Variants in WWC1 observed in about 807,000 individuals in gnomAD.
WWC1 encodes protein KIBRA.
A neutral mutation model predicts 138.4 loss-of-function variants in WWC1; 55 were observed. That is an observed-to-expected ratio of 0.40 (90% CI 0.32 to 0.50). The LOEUF (loss-of-function observed/expected upper bound fraction) is 0.50. Among genes scored for constraint, WWC1 ranks in the 20% least tolerant of loss-of-function variants. WWC1 has a pLI of 0.72. For synonymous variants in WWC1, 524 were observed against 564.9 expected (o/e 0.93, Z 1.03); for missense variants, 1,226 against 1,420.4 (o/e 0.86, Z 2.20).
At chr5:168,414,875 CT>C in intron 9 of WWC1, 1 of 157,988 alleles carries the variant, frequency 6.3e-6, no homozygotes, top group Non-Finnish European at 9.3e-6. Flanking sequence ...AGCCACATAA[CT>C]CTATATAACT....
In WWC1 at chr5:168,467,904, A is replaced by G. The variant is rs370235860; in HGVS notation, c.3215A>G (p.Lys1072Arg). ...QTDKMMRAAA[K>R]DVHRLRGQSC... ...GACAAGATGATGAGGGCAGCTGCCA[A>G]GGATGTGCACAGGCTCCGAGGCCAG... The change falls in exon 22 of 23, where the codon AAG (lysine) becomes AGG (arginine). Residue 1072 changes from lysine to arginine, a missense_variant. Physicochemically the swap from Lys to Arg is conservative, Grantham distance 26 (BLOSUM62 2). Around this residue, in one of 3 missense-constraint regions of WWC1, gnomAD observed 206 missense variants for 247.4 expected, o/e 0.83. Transcript: ENST00000265293. 2.1e-5 allele frequency: 34 copies of G among 1,614,108 alleles called. No individual in the cohort carries two copies. The highest frequency in any genetic ancestry group is 5.0e-5 in the Admixed American group (3 of 60,010).
intron 1 of WWC1, among the ~76,000 whole-genome samples, chr5:168,320,183 C>T (rs773947339): frequency 1.2e-4 from 18 of 151,990 alleles, no homozygotes; most frequent in Non-Finnish European, 1.2e-4. Flanking sequence ...TACAGGCGCC[C>T]GCCACCATGC....
intron 1 of WWC1, among the ~76,000 whole-genome samples, chr5:168,297,843 G>A (rs765185922): frequency 2.6e-5 from 4 of 151,800 alleles, no homozygotes; most frequent in East Asian, 1.9e-4. Flanking sequence ...CTCCATAATC[G>A]TTTTTGATTG....
At chr5:168,442,494 G>A (rs530685389) in intron 16 of WWC1, among the ~76,000 whole-genome samples, 10 of 147,910 alleles carry the variant, frequency 6.8e-5, no homozygotes, top group African/African-American at 2.0e-4. Flanking sequence ...ATGCTTTGAA[G>A]AAATATATGT....
In WWC1 at chr5:168,423,831, T is replaced by G; in HGVS notation, c.1573T>G (p.Ser525Ala). 1 of 1,614,148 alleles carries G rather than the reference T, an allele frequency of 6.2e-7. No individual in the cohort carries two copies. Residue 525 changes from serine (S) to alanine (A), a missense_variant, in exon 11 of 23, where the codon TCT becomes GCT. Ser to Ala is a moderately conservative substitution (Grantham distance 99, BLOSUM62 1). Coordinates refer to ENST00000265293, the MANE Select transcript of WWC1 (RefSeq NM_015238.3). ...CCGCCTGCAGGCTCTGCGTTCCCTG[T>G]CTGGCACCCCAAAGTCCATGACCTC... ...GGRLQALRSL[S>A]GTPKSMTSLS...
At chr5:168,354,186 G>A (rs922203919) in intron 1 of WWC1, among the ~76,000 whole-genome samples, 1 of 151,974 alleles carries the variant, frequency 6.6e-6, no homozygotes, top group Non-Finnish European at 1.5e-5. Flanking sequence ...GAGTACTTGG[G>A]ATTATAGGTG....
At chr5:168,417,243 C>T (rs1433122809) in intron 9 of WWC1, among the ~76,000 whole-genome samples, 1 of 152,246 alleles carries the variant, frequency 6.6e-6, no homozygotes, top group African/African-American at 2.4e-5. Context: ...TAGCAAGAAC[C>T]TATCTACAAT....
chr5:168,408,120 G>C (rs576323228), intron 6 of WWC1, among the ~76,000 whole-genome samples: 4 of 150,094 alleles, frequency 2.7e-5, no homozygotes, highest in African/African-American at 7.4e-5. Context: ...CTCCCAGCTC[G>C]GCCTCTCAAA....
intron 15 of WWC1, among the ~76,000 whole-genome samples, chr5:168,436,646 G>A (rs944277597): frequency 1.3e-5 from 2 of 152,070 alleles, no homozygotes; most frequent in Non-Finnish European, 2.9e-5. Flanking sequence ...TGTCTCAGCC[G>A]ATGGCAATCT....
chr5:168,307,812 A>G (rs1004227498), intron 1 of WWC1, among the ~76,000 whole-genome samples: 7 of 152,000 alleles, frequency 4.6e-5, no homozygotes, highest in South Asian at 2.1e-4. Context: ...GGTTTTCACC[A>G]TGTTAGCCAG....
rs543075122 is a variant in WWC1 at position 168,314,365 on chromosome 5, C to T, written c.119+22094C>T. Among the ~76,000 whole-genome samples, 5 of 139,672 alleles carry T rather than the reference C, an allele frequency of 3.6e-5. 1 individual carries two copies. Among genetic ancestry groups the T allele is most frequent in the East Asian group, 4.8e-4 (2 of 4,192 alleles). 91.6% of individuals were successfully genotyped at this position (139,672 alleles called of 152,430 possible). ...GGTGGATCACCTGAGGTTGGGAGTT[C>T]GAGACCAGCCTGACCAACATGGAGA... is the stretch of plus-strand genomic sequence containing the variant. On this transcript the variant is annotated intron_variant, in intron 1 of 22. Transcript: ENST00000265293.
At chr5:168,443,317 AC>A (rs560576735) in intron 16 of WWC1, among the ~76,000 whole-genome samples, 127 of 151,756 alleles carry the variant, frequency 8.4e-4, no homozygotes, top group Non-Finnish European at 1.6e-3. Context: ...TCCCATCCCC[AC>A]CTTCTTTTTC....
chr5:168,332,058 A>G (rs906843653), intron 1 of WWC1, among the ~76,000 whole-genome samples: 9 of 152,186 alleles, frequency 5.9e-5, no homozygotes, highest in African/African-American at 2.2e-4. Flanking sequence ...AGGCAGGAGA[A>G]TCACTTGAAC....
intron 1 of WWC1, among the ~76,000 whole-genome samples, chr5:168,308,649 G>A (rs564303536): frequency 6.6e-6 from 1 of 152,254 alleles, no homozygotes; most frequent in African/African-American, 2.4e-5. Context: ...ACCCCAGTCA[G>A]AATCTCTGGA....
intron 3 of WWC1, among the ~76,000 whole-genome samples, chr5:168,397,238 G>A (rs1224692262): frequency 6.6e-6 from 1 of 151,878 alleles, no homozygotes; most frequent in East Asian, 1.9e-4. Context: ...TGCCTCTCAG[G>A]TTCAAGCAAT....
chr5:168,424,156 G>C (rs1411646169), intron 11 of WWC1, 88 bp downstream of exon 11: 11 of 1,449,466 alleles, frequency 7.6e-6, no homozygotes, highest in African/African-American at 1.4e-5. Context: ...CATTCTAGTC[G>C]ATATTTACTG....
chr5:168,409,180 C>A (rs1176911046), intron 7 of WWC1, among the ~76,000 whole-genome samples: 1 of 152,178 alleles, frequency 6.6e-6, no homozygotes, highest in Admixed American at 6.5e-5. Context: ...TAGGGCTGAA[C>A]CATGGTGCCT....
chr5:168,373,552 G>A (rs1011231309), intron 2 of WWC1, among the ~76,000 whole-genome samples: 3 of 151,912 alleles, frequency 2.0e-5, no homozygotes, highest in African/African-American at 7.3e-5. Context: ...GACCAGTTCT[G>A]TGTGTGCATT....
chr5:168,390,961 AG>A (rs1778438568), intron 3 of WWC1, among the ~76,000 whole-genome samples: 1 of 152,242 alleles, frequency 6.6e-6, no homozygotes, highest in African/African-American at 2.4e-5. Context: ...AAGGGAACTG[AG>A]GCCCCCAAAG....
Sources: gnomAD v4.1 joint callset for allele counts (sites outside exome capture counted in the v4.1 genomes callset) on GRCh38, gnomAD v4.1.1 for gene constraint, gnomAD v4.1.1 regional missense constraint, MANE v1.5 for transcripts, NCBI Gene and HGNC (gene_info 2026-07-23, HGNC 2026-07-21) for gene names.